The following FUT8 variants were observed in gnomAD, a reference collection of about 807,000 sequenced individuals.
FUT8 encodes the protein alpha-(1,6)-fucosyltransferase.
A neutral mutation model predicts 71.3 loss-of-function variants in FUT8; 29 were observed. The observed-to-expected ratio is 0.41, with a 90% confidence interval of 0.30 to 0.55. FUT8 has a LOEUF of 0.55. Ranked by LOEUF, FUT8 falls within the 20% of genes least tolerant of loss-of-function variation. The probability of loss-of-function intolerance (pLI) is 0.34; values close to 1 mark genes in which losing one functional copy is unlikely to be tolerated. For synonymous variants in FUT8, 254 were observed against 239.3 expected (o/e 1.06, Z -0.57); for missense variants, 544 against 702.1 (o/e 0.77, Z 2.55).
chr14:65,700,239 G>A (rs1894213333), intron 7 of FUT8, among the ~76,000 whole-genome samples: 2 of 151,884 alleles, frequency 1.3e-5, no homozygotes, highest in African/African-American at 4.8e-5. Context: ...TGACATCAAG[G>A]CCTGAATATT....
intron 1 of FUT8, among the ~76,000 whole-genome samples, chr14:65,435,281 A>G (rs2065537831): frequency 6.6e-6 from 1 of 152,126 alleles, no homozygotes; most frequent in South Asian, 2.1e-4. Flanking sequence ...TTTTTTTACT[A>G]TAATATTTTC....
chr14:65,365,278 T>C, the FUT8 span, among the ~76,000 whole-genome samples: 50 of 151,764 alleles, frequency 3.3e-4, no homozygotes, highest in South Asian at 0.01. Flanking sequence ...CCTGCCCTCC[T>C]AAAGAGCAAA....
intron 2 of FUT8, among the ~76,000 whole-genome samples, chr14:65,480,322 T>G (rs1181227454): frequency 2.0e-5 from 3 of 148,106 alleles, no homozygotes; most frequent in Non-Finnish European, 4.4e-5. Flanking sequence ...TTTTTTTTTT[T>G]TTTAAAGACA....
At chr14:65,568,441 A>G (rs2140070258) in intron 3 of FUT8, among the ~76,000 whole-genome samples, 1 of 151,544 alleles carries the variant, frequency 6.6e-6, no homozygotes, top group Non-Finnish European at 1.5e-5. Context: ...CTCTAAGCAC[A>G]GCTTTCAGTT....
chr14:65,575,098 A>AT lies in FUT8; in HGVS notation c.203+13335dup, dbSNP rs1280048326. 2.7e-5 allele frequency among the ~76,000 whole-genome samples: 4 copies of AT among 150,574 alleles called. No individual in the cohort carries two copies. The East Asian group carries it at 7.8e-4, about 29-fold the overall frequency. On this transcript the variant is annotated intron_variant, in intron 3 of 10. Transcript: ENST00000673929. Reference sequence around the variant, plus strand: ...TTTTATTTTATTATTTTATTTATTAATTTATTTTATTTTATTTCTTATAAT... The same window carrying AT: ...TTTTATTTTATTATTTTATTTATTAATTTTATTTTATTTTATTTCTTATAAT...
chr14:65,700,826 A>G (rs1224383690), intron 7 of FUT8, among the ~76,000 whole-genome samples: 12 of 152,182 alleles, frequency 7.9e-5, no homozygotes. Context: ...ATCTTTTTAG[A>G]TAGAAGAGAA....
chr14:65,697,333 C>G (rs1594909985), intron 7 of FUT8, among the ~76,000 whole-genome samples: 1 of 152,098 alleles, frequency 6.6e-6, no homozygotes, highest in Admixed American at 6.5e-5. Flanking sequence ...GCTGCAATTT[C>G]TCCTTATTGT....
chr14:65,523,036 G>A (rs143735050), intron 2 of FUT8, among the ~76,000 whole-genome samples: 6 of 152,106 alleles, frequency 3.9e-5, no homozygotes, highest in African/African-American at 1.2e-4. Context: ...TAAACGTAAC[G>A]TGTGCATGTG....
intron 2 of FUT8, among the ~76,000 whole-genome samples, chr14:65,495,184 TAAAA>T (rs34401031): frequency 6.9e-6 from 1 of 144,516 alleles, no homozygotes; most frequent in African/African-American, 2.5e-5. Flanking sequence ...GCTTTTCCCT[TAAAA>T]AAAAAAAAAA....
rs1040763983 is a variant in FUT8, at chr14:65,627,981, G to A, written c.483-1511G>A. On this transcript the variant is annotated intron_variant, in intron 5 of 10. Transcript: ENST00000673929. The surrounding 1 kb of genome is among the most constrained non-coding windows in gnomAD (Gnocchi z 4.0). ...GCCTAGCTACCTACTCAAACAGGAG[G>A]AGAGGGAAAACCAAGGGTTGAGGGT... 6.6e-6 allele frequency among the ~76,000 whole-genome samples: 1 copy of A among 152,176 alleles called. No homozygotes were observed. The highest frequency in any genetic ancestry group is 1.5e-5 in the Non-Finnish European group (1 of 68,030).
chr14:65,695,696 T>G (rs1316188067), intron 7 of FUT8, among the ~76,000 whole-genome samples: 1 of 152,076 alleles, frequency 6.6e-6, no homozygotes, highest in Non-Finnish European at 1.5e-5. Flanking sequence ...ACTTGGACAG[T>G]CTCTGCCTCT....
the FUT8 span, among the ~76,000 whole-genome samples, chr14:65,380,404 G>A: frequency 2.0e-5 from 3 of 152,268 alleles, no homozygotes; most frequent in South Asian, 2.1e-4. Context: ...CAGCCAAACT[G>A]TATCACACAT....
At chr14:65,626,549 A>C (rs1889907179) in intron 5 of FUT8, among the ~76,000 whole-genome samples, 1 of 152,084 alleles carries the variant, frequency 6.6e-6, no homozygotes, top group Non-Finnish European at 1.5e-5. Flanking sequence ...TTGATTTCCT[A>C]CTCTGACATT....
At chr14:65,401,753 T>G in the FUT8 span, among the ~76,000 whole-genome samples, 6 of 151,736 alleles carry the variant, frequency 4.0e-5, no homozygotes, top group Admixed American at 3.3e-4. Context: ...CAAAAAAATT[T>G]GTGGTGGTGT....
At chr14:65,490,664 A>G (rs2066468969) in intron 2 of FUT8, among the ~76,000 whole-genome samples, 1 of 152,162 alleles carries the variant, frequency 6.6e-6, no homozygotes, top group African/African-American at 2.4e-5. Context: ...GATAAATCAA[A>G]AACTAAATAC....
chr14:65,525,176 G>A (rs1300470097), intron 2 of FUT8, among the ~76,000 whole-genome samples: 5 of 152,072 alleles, frequency 3.3e-5, no homozygotes, highest in African/African-American at 1.2e-4. Flanking sequence ...GAATTCGGTT[G>A]TGAATCCGTC....
At chr14:65,538,982 G>A (rs948767864) in intron 2 of FUT8, among the ~76,000 whole-genome samples, 1 of 152,080 alleles carries the variant, frequency 6.6e-6, no homozygotes, top group South Asian at 2.1e-4. Context: ...AATCCATTGA[G>A]TTTGGTGTAG....
intron 2 of FUT8, among the ~76,000 whole-genome samples, chr14:65,553,330 C>T (rs1038763834): frequency 6.6e-6 from 1 of 151,988 alleles, no homozygotes; most frequent in African/African-American, 2.4e-5. Flanking sequence ...TTGTGCACTT[C>T]CATTTCCTCC....
chr14:65,710,614 A>T (rs1196688248), intron 7 of FUT8, among the ~76,000 whole-genome samples: 1 of 151,620 alleles, frequency 6.6e-6, no homozygotes, highest in East Asian at 1.9e-4. Context: ...TTTTTCTTTC[A>T]TTGAATGCAG....
Sources: allele counts gnomAD v4.1 joint callset (sites outside exome capture counted in the v4.1 genomes callset), GRCh38; gene constraint gnomAD v4.1.1; non-coding constraint Gnocchi (gnomAD v3.1); transcripts MANE v1.5; gene names NCBI Gene and HGNC (gene_info 2026-07-23, HGNC 2026-07-21).